Variants in KRT74 observed in about 807,000 individuals in gnomAD.
The protein encoded by KRT74 is keratin 74, also known as keratin, type II cytoskeletal 74.
In KRT74, 43 loss-of-function variants were observed where a neutral mutation model predicts 42.7. The observed-to-expected ratio is 1.01, with a 90% CI of 0.79 to 1.30. The LOEUF (loss-of-function observed/expected upper bound fraction) is 1.30. Ranked by LOEUF, KRT74 falls within the 50% of genes most tolerant of loss-of-function variation. The pLI is 0.00. For missense variants in KRT74, 736 were observed against 689.1 expected (o/e 1.07, Z -0.76); for synonymous variants, 302 against 279.0 (o/e 1.08, Z -0.82).
In KRT74 at chr12:52,572,443, GC is replaced by G. The variant is rs762893417; in HGVS notation, c.686+9del. 1 of 1,613,692 alleles carries G rather than the reference GC, an allele frequency of 6.2e-7. No individual in the cohort carries two copies. The highest frequency in any genetic ancestry group is 1.3e-5 in the African/African-American group (1 of 74,900). On this transcript the variant is annotated intron_variant, in intron 2 of 8. Transcript: ENST00000305620. ...ACATGGTCTGTGACCCTCGGGTGGA[GC>G]CTGCTCACCTCTTCTTATAGTCCTC... is the stretch of plus-strand genomic sequence containing the variant.
chr12:52,571,909 A>C, intron 3 of KRT74, 35 bp downstream of exon 3: 7 of 1,367,324 alleles, frequency 5.1e-6, no homozygotes, highest in Non-Finnish European at 7.3e-6. Context: ...TGGGGGTGCG[A>C]GAGACCCTAA....
chr12:52,569,158 G>C (rs1197260902), intron 6 of KRT74, among the ~76,000 whole-genome samples: 1 of 152,074 alleles, frequency 6.6e-6, no homozygotes, highest in East Asian at 1.9e-4. Flanking sequence ...GAGCAGACCT[G>C]GTTCTCAGAG....
intron 7 of KRT74, 35 bp downstream of exon 7, chr12:52,568,134 G>T: frequency 6.2e-7 from 1 of 1,612,192 alleles, no homozygotes; most frequent in Non-Finnish European, 8.5e-7. Context: ...CCACACCCCA[G>T]TCCCTTCTCA....
Position 52,566,774 on chromosome 12 carries a change from T to C in KRT74, c.*195A>G. ...GAAAATGAGAAGTCGTTAGTCCACA[T>C]GGGACCTAAGGAAACAGGGAAGGTG... On this transcript the variant is annotated 3_prime_UTR_variant, in exon 9 of 9. Transcript: ENST00000305620. 2.1e-6 allele frequency: 1 copy of C among 479,090 alleles called. No individual in the cohort carries two copies. The highest frequency in any genetic ancestry group is 5.4e-5 in the South Asian group (1 of 18,660). The allele number at this position is 479,090 out of a possible 1,614,324, so 29.7% of individuals were successfully genotyped here.
At chr12:52,567,801 C>T in intron 7 of KRT74, 108 bp from the exon 8 acceptor site, 2 of 842,554 alleles carry the variant, frequency 2.4e-6, no homozygotes, top group Admixed American at 3.8e-5. Context: ...ATCCTTATAA[C>T]AACTTACGAA....
At chr12:52,573,230 G>T in intron 1 of KRT74, 77 bp downstream of exon 1, 1 of 1,386,480 alleles carries the variant, frequency 7.2e-7, no homozygotes, top group Non-Finnish European at 1.0e-6. Flanking sequence ...CAGCCACAGT[G>T]TGCAGTCCAT....
At chr12:52,570,273 C>T (rs1425834934) in intron 5 of KRT74, among the ~76,000 whole-genome samples, 2 of 152,200 alleles carry the variant, frequency 1.3e-5, no homozygotes, top group African/African-American at 4.8e-5. Context: ...CTACAGGCTT[C>T]TCCTTCTCTC....
Position 52,572,607 on chromosome 12 carries a change from G to C in KRT74, c.532C>G (p.Leu178Val). ...TTCTTCTTGCAGTTGTTCAGGTCCA[G>C]CTGCTGCAGCAGCTCCCACTTGGTT... ...LETKWELLQQ[L>V]DLNNCKKNLE... The change falls in exon 2 of 9, where the codon CTG becomes GTG. Residue 178 changes from leucine to valine, a missense_variant. Coordinates refer to ENST00000305620, the MANE Select transcript of KRT74 (RefSeq NM_175053.4). 1.2e-6 allele frequency: 2 copies of C among 1,614,090 alleles called. No homozygotes were observed. The highest frequency in any genetic ancestry group is 1.7e-6 in the Non-Finnish European group (2 of 1,179,934).
chr12:52,567,386 T>A (rs1053133553), intron 8 of KRT74, among the ~76,000 whole-genome samples: 1 of 152,132 alleles, frequency 6.6e-6, no homozygotes, highest in African/African-American at 2.4e-5. Context: ...ATACAGTCCC[T>A]GCCCTCCTGG....
intron 3 of KRT74, 73 bp from the exon 4 acceptor site, chr12:52,571,527 A>G (rs771033633): frequency 1.3e-4 from 132 of 1,048,980 alleles, no homozygotes; most frequent in Non-Finnish European, 1.9e-4. Context: ...CTCCTGCCTC[A>G]AAGCCACCTG....
chr12:52,567,371 G>GA (rs1939399554), intron 8 of KRT74, among the ~76,000 whole-genome samples: 1 of 152,116 alleles, frequency 6.6e-6, no homozygotes, highest in Non-Finnish European at 1.5e-5. Flanking sequence ...GACCCCATCA[G>GA]ATAGATACAG....
At chr12:52,569,794 G>T in intron 6 of KRT74, 65 bp downstream of exon 6, 1 of 1,603,790 alleles carries the variant, frequency 6.2e-7, no homozygotes. Context: ...CAAAGGGCAG[G>T]CCCCATTTCC....
At chr12:52,573,010 T>C (rs1177676625) in intron 1 of KRT74, among the ~76,000 whole-genome samples, 1 of 152,214 alleles carries the variant, frequency 6.6e-6, no homozygotes, top group African/African-American at 2.4e-5. Context: ...CTATTAGCCT[T>C]TCATGTTCTT....
intron 6 of KRT74, chr12:52,569,415 A>G (rs1939435674): frequency 1.3e-5 from 7 of 539,442 alleles, no homozygotes; most frequent in Non-Finnish European, 2.3e-5. Context: ...CGCCTGATGC[A>G]TACCCTCTGC....
In KRT74 at chr12:52,568,335, G is replaced by A; in HGVS notation, c.1189C>T (p.Leu397=). ...ADAEQRGDNA[L]KDAQAKLDEL... is the part of the protein sequence containing the mutation. Reference sequence around the variant, plus strand: ...TCCAGCTTGGCCTGGGCATCCTTCAGGGCATTGTCTCCCCGCTGCTCAGCG... The same window carrying A: ...TCCAGCTTGGCCTGGGCATCCTTCAAGGCATTGTCTCCCCGCTGCTCAGCG... The change falls in exon 7 of 9, where the codon CTG becomes TTG. Residue 397 remains leucine (L), a synonymous_variant. Transcript: ENST00000305620. 6.2e-7 allele frequency: 1 copy of A among 1,614,238 alleles called. No individual in the cohort carries two copies. Among genetic ancestry groups the A allele is most frequent in the South Asian group, 1.1e-5 (1 of 91,086 alleles).
At position 52,571,952 on chromosome 12, in the gene KRT74, G is replaced by T. The variant is rs976506910; in HGVS notation, c.739C>A (p.Leu247Ile). 1.9e-6 allele frequency: 3 copies of T among 1,583,200 alleles called. No homozygotes were observed. The change falls in exon 3 of 9, where the codon CTT (leucine) becomes ATT (isoleucine). Residue 247 changes from leucine (L) to isoleucine (I), a missense_variant. Coordinates refer to ENST00000305620, the MANE Select transcript of KRT74 (RefSeq NM_175053.4). The stretch of plus-strand genomic sequence containing the variant: ...GCTCCTCCCTCTCTTACCTTCTTAA[G>T]CACCACAAACTCATTCTCTGCTGTC... ...RTTAENEFVV[L>I]KKDADAAYAV...
At position 52,566,959 on chromosome 12, in the gene KRT74, G is replaced by A. The variant is rs1421485641; in HGVS notation, c.*10C>T. ...TTCTTCCAAGTGCTGAGGTGGGTGA[G>A]GCCATGGGTCTAGCGGGTGGCTTTC... On this transcript the variant is annotated 3_prime_UTR_variant, in exon 9 of 9. Transcript: ENST00000305620. 6.2e-7 allele frequency: 1 copy of A among 1,605,864 alleles called. No homozygotes were observed. The highest frequency in any genetic ancestry group is 8.5e-7 in the Non-Finnish European group (1 of 1,175,032).
rs764891820 is a variant in KRT74 at position 52,573,580 on chromosome 12, G to A, written c.198C>T (p.Gly66=). 1.9e-5 allele frequency: 30 copies of A among 1,613,808 alleles called. 1 individual carries two copies. The highest frequency in any genetic ancestry group is 1.6e-4 in the Middle Eastern group (1 of 6,084). The change falls in exon 1 of 9, where the codon GGC becomes GGT. Residue 66 remains glycine (G), a synonymous_variant. Coordinates refer to ENST00000305620, the MANE Select transcript of KRT74 (RefSeq NM_175053.4). ...NRRISFNVAG[G]GVRAGGYGFR... is the part of the protein sequence containing the mutation. ...AGCCGTAACCTCCAGCCCGAACGCC[G>A]CCACCAGCCACATTGAAAGAAATAC... is the stretch of plus-strand genomic sequence containing the variant.
At chr12:52,569,520 C>T (rs1178247993) in intron 6 of KRT74, 2 of 600,792 alleles carry the variant, frequency 3.3e-6, no homozygotes, top group Non-Finnish European at 5.9e-6. Flanking sequence ...GTTCATTGGA[C>T]ACAGAAAAAA....
Sources: gnomAD v4.1 joint callset for allele counts (sites outside exome capture counted in the v4.1 genomes callset) on GRCh38, gnomAD v4.1.1 for gene constraint, MANE v1.5 for transcripts, NCBI Gene and HGNC (gene_info 2026-07-23, HGNC 2026-07-21) for gene names.